UNK: variants seen among roughly 807,000 people sequenced by gnomAD.
UNK encodes the protein unk zinc finger.
In UNK, 32 loss-of-function variants were observed where a neutral mutation model predicts 97.6. The observed-to-expected ratio is 0.33, with a 90% confidence interval of 0.25 to 0.44. The LOEUF is 0.44. Among genes scored for constraint, UNK ranks in the 20% least tolerant of loss-of-function variants. The probability of loss-of-function intolerance (pLI) is 1.00; values close to 1 mark genes in which losing one functional copy is unlikely to be tolerated. For synonymous variants in UNK, 441 were observed against 461.2 expected, an observed-to-expected ratio of 0.96 and a Z score of 0.56; for missense variants, 771 against 1,098.4, an observed-to-expected ratio of 0.70 and a Z score of 4.21.
Position 75,822,579 on chromosome 17 carries a change from T to C in UNK, c.1940T>C (p.Leu647Pro). The C allele has an allele frequency of 6.2e-7, 1 of 1,613,616 alleles. No homozygotes were observed. ...AFLSGPGAAE[L>P]ARLRQELDEA... ...CTATCAGGGCCAGGGGCTGCCGAGC[T>C]GGCCCGACTTCGGCAAGAGCTGGAT... is the stretch of plus-strand genomic sequence containing the variant. Residue 647 changes from leucine to proline, a missense_variant, in exon 14 of 16, where the codon CTG becomes CCG. Leu to Pro is a moderately conservative substitution (Grantham distance 98). Around this residue, in one of 5 missense-constraint regions of UNK, gnomAD observed 208 missense variants for 257.4 expected, o/e 0.81. Transcript: ENST00000589666.
intron 15 of UNK, 103 bp downstream of exon 15, chr17:75,823,625 A>G (rs1761929020): frequency 1.4e-6 from 2 of 1,414,498 alleles, no homozygotes; most frequent in Non-Finnish European, 9.3e-7. Flanking sequence ...CACCCTCCTG[A>G]GAGCCTCTGC....
intron 1 of UNK, 113 bp from the exon 2 acceptor site, chr17:75,809,647 A>G: frequency 1.7e-6 from 2 of 1,147,660 alleles, no homozygotes; most frequent in Non-Finnish European, 2.5e-6. Flanking sequence ...GTTCCAGTGG[A>G]ACTAGCACCC....
At chr17:75,800,418 G>A (rs55636440) in intron 1 of UNK, among the ~76,000 whole-genome samples, 78,480 of 151,084 alleles carry the variant, frequency 0.52, 23,882 homozygotes, top group South Asian at 0.66. Flanking sequence ...TGTGACGATT[G>A]TATGAATTTC....
At chr17:75,810,292 G>T (rs1368647067) in intron 2 of UNK, among the ~76,000 whole-genome samples, 1 of 152,240 alleles carries the variant, frequency 6.6e-6, no homozygotes, top group Non-Finnish European at 1.5e-5. Context: ...AAAGCTGGCT[G>T]TTTAGAGAGA....
chr17:75,824,156 C>T lies in UNK; in HGVS notation c.2278-106C>T. ...TGGGAGCACACTGTTGAGCTCGGTA[C>T]CTCAGTTTTCCCATCCCAAGGGGCT... On this transcript the variant is annotated intron_variant, in intron 15 of 15. Coordinates refer to ENST00000589666, the MANE Select transcript of UNK (RefSeq NM_001080419.3). This position sits in a 1 kb window ranked among gnomAD's most constrained non-coding sequence, Gnocchi z 4.9. The T allele has an allele frequency of 2.2e-6, 3 of 1,346,406 alleles. No individual in the cohort carries two copies. Among genetic ancestry groups the T allele is most frequent in the Non-Finnish European group, 2.9e-6 (3 of 1,023,918 alleles). The allele number at this position is 1,346,406 out of a possible 1,614,324, so 83.4% of individuals were successfully genotyped here.
chr17:75,805,831 T>TGTGC (rs1386736132), intron 1 of UNK, among the ~76,000 whole-genome samples: 1 of 151,768 alleles, frequency 6.6e-6, no homozygotes, highest in African/African-American at 2.4e-5. Flanking sequence ...TGTGTGTGTG[T>TGTGC]GTGTGTGTGT....
chr17:75,807,996 T>G (rs924757240), intron 1 of UNK, among the ~76,000 whole-genome samples: 2 of 152,250 alleles, frequency 1.3e-5, no homozygotes, highest in Non-Finnish European at 2.9e-5. Context: ...TAACTGGATG[T>G]TCCTTCCTTA....
intron 6 of UNK, among the ~76,000 whole-genome samples, chr17:75,814,321 A>G (rs759777455): frequency 1.3e-4 from 20 of 151,814 alleles, no homozygotes; most frequent in Non-Finnish European, 2.5e-4. Flanking sequence ...GCAACATGCT[A>G]TCTCTACTAA....
In UNK at chr17:75,816,748, C is replaced by A; in HGVS notation, c.962-22C>A. 1.3e-6 allele frequency: 2 copies of A among 1,588,780 alleles called. No individual in the cohort carries two copies. Among genetic ancestry groups the A allele is most frequent in the Non-Finnish European group, 1.7e-6 (2 of 1,172,342 alleles). On this transcript the variant is annotated intron_variant, in intron 7 of 15. Coordinates refer to ENST00000589666, the MANE Select transcript of UNK (RefSeq NM_001080419.3). This position sits in a 1 kb window ranked among gnomAD's most constrained non-coding sequence, Gnocchi z 4.0. ...GACAGAGCTGGCTGGGGCCTGCTGACCCCTGCCCCTGACTCTTGCAGAGCC... is the reference window on the plus strand; with the variant it reads ...GACAGAGCTGGCTGGGGCCTGCTGAACCCTGCCCCTGACTCTTGCAGAGCC...
intron 1 of UNK, among the ~76,000 whole-genome samples, chr17:75,808,017 T>C (rs1189858761): frequency 6.6e-6 from 1 of 152,210 alleles, no homozygotes; most frequent in Non-Finnish European, 1.5e-5. Flanking sequence ...ATCTGCCCAT[T>C]CTAACCATGC....
chr17:75,785,709 T>TG (rs2061703709), intron 1 of UNK: 1 of 152,082 alleles, frequency 6.6e-6, no homozygotes, highest in African/African-American at 2.4e-5. Flanking sequence ...CTGGAAGTCT[T>TG]GCATCTGTGT....
Position 75,816,819 on chromosome 17 carries a change from C to A in UNK, c.1011C>A (p.Pro337=), listed in dbSNP as rs1168273324. The A allele has an allele frequency of 6.2e-7, 1 of 1,607,266 alleles. No individual in the cohort carries two copies. Among genetic ancestry groups the A allele is most frequent in the Non-Finnish European group, 8.5e-7 (1 of 1,179,450 alleles). ...AGCCTTCCTCAGCTGTGTCCAGCCC[C>A]ACCCAGCCAGGTCCTGTCCTGTACA... ...DLQPSSAVSS[P]TQPGPVLYMP... Residue 337 remains proline (P), a synonymous_variant, in exon 8 of 16, where the codon CCC becomes CCA. Coordinates refer to ENST00000589666, the MANE Select transcript of UNK (RefSeq NM_001080419.3). This position sits in a 1 kb window ranked among gnomAD's most constrained non-coding sequence, Gnocchi z 4.0.
chr17:75,807,229 TA>T (rs2061926498), intron 1 of UNK, among the ~76,000 whole-genome samples: 1 of 152,050 alleles, frequency 6.6e-6, no homozygotes, highest in African/African-American at 2.4e-5. Context: ...CAAATAAAAA[TA>T]AAGGATGCCA....
Position 75,824,237 on chromosome 17 carries a change from G to T in UNK, c.2278-25G>T. On this transcript the variant is annotated intron_variant, in intron 15 of 15. Transcript: ENST00000589666. The surrounding 1 kb of genome is among the most constrained non-coding windows in gnomAD (Gnocchi z 4.9). ...ACTTGGGGCCAGACCCATGGATGGTGACCACGATGCCCCTTTCCCTGCAGG... is the reference window on the plus strand; with the variant it reads ...ACTTGGGGCCAGACCCATGGATGGTTACCACGATGCCCCTTTCCCTGCAGG... 6.4e-7 allele frequency: 1 copy of T among 1,564,702 alleles called. No individual in the cohort carries two copies. Among genetic ancestry groups the T allele is most frequent in the South Asian group, 1.2e-5 (1 of 86,444 alleles).
intron 6 of UNK, among the ~76,000 whole-genome samples, chr17:75,814,727 G>A (rs540536100): frequency 5.3e-5 from 8 of 152,130 alleles, no homozygotes; most frequent in African/African-American, 7.2e-5. Flanking sequence ...GTAGACACGC[G>A]GACAGAAACT....
At chr17:75,794,515 G>C (rs1199822560) in intron 1 of UNK, among the ~76,000 whole-genome samples, 1 of 152,020 alleles carries the variant, frequency 6.6e-6, no homozygotes, top group Non-Finnish European at 1.5e-5. Flanking sequence ...GCGGGCACCT[G>C]TAATCCCAGC....
intron 2 of UNK, 50 bp from the exon 3 acceptor site, chr17:75,812,062 G>T (rs758807178): frequency 1.3e-6 from 2 of 1,538,110 alleles, no homozygotes; most frequent in Admixed American, 2.0e-5. Context: ...AGGCAGGGAA[G>T]CCTAGGCTGC....
At chr17:75,793,553 T>C in intron 1 of UNK, 2 of 985,394 alleles carry the variant, frequency 2.0e-6, no homozygotes, top group African/African-American at 3.5e-5. Context: ...TTTTTTCCTG[T>C]TGGTGGCTCA....
chr17:75,802,029 A>G (rs943462924), intron 1 of UNK, among the ~76,000 whole-genome samples: 2 of 151,726 alleles, frequency 1.3e-5, no homozygotes, highest in Non-Finnish European at 2.9e-5. Flanking sequence ...TTGTATTTTT[A>G]GTAGAGATGG....
Sources: allele counts gnomAD v4.1 joint callset (sites outside exome capture counted in the v4.1 genomes callset), GRCh38; gene constraint gnomAD v4.1.1; regional missense constraint gnomAD v4.1.1; non-coding constraint Gnocchi (gnomAD v3.1); transcripts MANE v1.5; gene names NCBI Gene and HGNC (gene_info 2026-07-23, HGNC 2026-07-21).